The following SLC24A2 variants were observed in gnomAD, a reference collection of about 807,000 sequenced individuals.
SLC24A2 encodes the protein solute carrier family 24 member 2.
Under a neutral mutation model 62.0 loss-of-function variants are expected in SLC24A2, and 36 were observed. The ratio of observed to expected loss-of-function variants is 0.58; its 90% CI spans 0.44 to 0.77. The LOEUF is 0.77. SLC24A2 is among the 30% of genes least tolerant of loss of function. The probability of loss-of-function intolerance (pLI) is 0.00; values close to 1 mark genes in which losing one functional copy is unlikely to be tolerated. For missense variants in SLC24A2, 846 were observed against 817.9 expected (o/e 1.03, Z -0.42); for synonymous variants, 358 against 294.0 (o/e 1.22, Z -2.23).
intron 2 of SLC24A2, among the ~76,000 whole-genome samples, chr9:19,710,831 G>A (rs1015620644): frequency 3.3e-4 from 50 of 152,194 alleles, no homozygotes; most frequent in African/African-American, 1.2e-3. Context: ...AGCCAGCTAG[G>A]AGGGTGCTGC....
intron 2 of SLC24A2, among the ~76,000 whole-genome samples, chr9:19,661,339 G>C (rs1819094675): frequency 6.6e-6 from 1 of 151,938 alleles, no homozygotes; most frequent in South Asian, 2.1e-4. Flanking sequence ...TGTTGTTGTA[G>C]AGTATGAATC....
At chr9:20,233,020 A>G in the SLC24A2 span, among the ~76,000 whole-genome samples, 2 of 152,022 alleles carry the variant, frequency 1.3e-5, no homozygotes, top group African/African-American at 4.8e-5. Flanking sequence ...TTCAGTTTCC[A>G]TGTAGTTGAG....
intron 7 of SLC24A2, among the ~76,000 whole-genome samples, chr9:19,554,208 GGA>G (rs1235965476): frequency 6.6e-6 from 1 of 152,200 alleles, no homozygotes; most frequent in Non-Finnish European, 1.5e-5. Context: ...AGCAAGCAAA[GGA>G]GAGAGGCCTC....
chr9:20,239,248 A>T, the SLC24A2 span, among the ~76,000 whole-genome samples: 1 of 152,364 alleles, frequency 6.6e-6, no homozygotes, highest in African/African-American at 2.4e-5. Context: ...ATTTCAGATA[A>T]ATCACAAAAA....
chr9:20,159,813 T>C, the SLC24A2 span, among the ~76,000 whole-genome samples: 2 of 151,580 alleles, frequency 1.3e-5, no homozygotes, highest in African/African-American at 2.4e-5. Context: ...TAGTATTTGG[T>C]ATTTTGTATT....
the SLC24A2 span, among the ~76,000 whole-genome samples, chr9:20,072,461 G>C: frequency 6.6e-6 from 1 of 152,052 alleles, no homozygotes. Context: ...CCTGTTATGG[G>C]AGTTCTTATC....
At chr9:19,562,252 A>ATTTG (rs1835441322) in intron 7 of SLC24A2, among the ~76,000 whole-genome samples, 1 of 152,222 alleles carries the variant, frequency 6.6e-6, no homozygotes, top group Admixed American at 6.5e-5. Flanking sequence ...AATAATTCAA[A>ATTTG]AATCATTTCA....
chr9:20,191,651 T>C, the SLC24A2 span, among the ~76,000 whole-genome samples: 2 of 151,348 alleles, frequency 1.3e-5, no homozygotes, highest in Admixed American at 6.6e-5. Context: ...GGCCTCCTTG[T>C]GGCAGTAGAG....
At chr9:20,253,236 G>T in the SLC24A2 span, among the ~76,000 whole-genome samples, 13 of 152,184 alleles carry the variant, frequency 8.5e-5, no homozygotes, top group African/African-American at 3.1e-4. Context: ...CCTGCTATAT[G>T]ATCTTAGTAT....
At chr9:19,646,872 C>T (rs1167879885) in intron 2 of SLC24A2, among the ~76,000 whole-genome samples, 7 of 152,124 alleles carry the variant, frequency 4.6e-5, no homozygotes, top group Non-Finnish European at 2.9e-5. Flanking sequence ...CACTCACACA[C>T]ATGGAGGGAA....
At chr9:20,037,045 A>G in the SLC24A2 span, among the ~76,000 whole-genome samples, 2 of 151,990 alleles carry the variant, frequency 1.3e-5, no homozygotes, top group African/African-American at 2.4e-5. Flanking sequence ...ACAGGTGACC[A>G]TCACCACATC....
At chr9:19,885,293 T>C in the SLC24A2 span, among the ~76,000 whole-genome samples, 1 of 152,160 alleles carries the variant, frequency 6.6e-6, no homozygotes, top group Non-Finnish European at 1.5e-5. Flanking sequence ...GGAAGAACAG[T>C]TCTTCAAAGG....
At chr9:20,164,338 T>G in the SLC24A2 span, among the ~76,000 whole-genome samples, 1 of 152,000 alleles carries the variant, frequency 6.6e-6, no homozygotes, top group African/African-American at 2.4e-5. Flanking sequence ...GAACAGACAC[T>G]TCTCAAAAGA....
intron 4 of SLC24A2, among the ~76,000 whole-genome samples, chr9:19,613,731 G>C (rs1268726954): frequency 6.6e-6 from 1 of 152,050 alleles, no homozygotes; most frequent in Non-Finnish European, 1.5e-5. Context: ...ATTTAAGCTG[G>C]TGTCTACACC....
At chr9:19,553,865 T>C (rs16937597) in intron 7 of SLC24A2, among the ~76,000 whole-genome samples, 7,500 of 152,270 alleles carry the variant, frequency 0.049, 605 homozygotes, top group African/African-American at 0.17. Context: ...GCTGGCCGGT[T>C]AACGTGGCAA....
the SLC24A2 span, among the ~76,000 whole-genome samples, chr9:20,107,325 A>G: frequency 1.3e-5 from 2 of 151,716 alleles, no homozygotes; most frequent in Non-Finnish European, 2.9e-5. Context: ...GACTTTCTTC[A>G]CAGAATTGGA....
Position 19,516,012 on chromosome 9 carries a change from T to C in SLC24A2, c.*141A>G. 2.9e-6 allele frequency: 3 copies of C among 1,027,616 alleles called. No homozygotes were observed. The highest frequency in any genetic ancestry group is 3.4e-5 in the Admixed American group (2 of 58,884). The allele number at this position is 1,027,616 out of a possible 1,614,324, so 63.7% of individuals were successfully genotyped here. On this transcript the variant is annotated 3_prime_UTR_variant, in exon 11 of 11. Coordinates refer to ENST00000341998, the MANE Select transcript of SLC24A2 (RefSeq NM_020344.4). ...AGTGAATGGGCCCAGTGTGAATCCA[T>C]CTCTCCTCAAATTCACCAAGGAGGG...
chr9:20,273,366 G>T, the SLC24A2 span, among the ~76,000 whole-genome samples: 1 of 152,124 alleles, frequency 6.6e-6, no homozygotes, highest in South Asian at 2.1e-4. Flanking sequence ...ATGCCAAGAA[G>T]AATCTTAACA....
the SLC24A2 span, among the ~76,000 whole-genome samples, chr9:20,149,988 C>A: frequency 5.8e-3 from 876 of 152,132 alleles, 10 homozygotes; most frequent in Admixed American, 0.025. Flanking sequence ...ACTTCCCACA[C>A]CCTTATAGTC....
Sources: allele counts gnomAD v4.1 joint callset (sites outside exome capture counted in the v4.1 genomes callset), GRCh38; gene constraint gnomAD v4.1.1; transcripts MANE v1.5; gene names NCBI Gene and HGNC (gene_info 2026-07-23, HGNC 2026-07-21).